Variants in CACNG3 observed in about 807,000 individuals in gnomAD.
CACNG3 encodes the protein calcium voltage-gated channel auxiliary subunit gamma 3, also known as voltage-dependent calcium channel gamma-3 subunit.
A neutral mutation model predicts 28.5 loss-of-function variants in CACNG3; 3 were observed. The observed-to-expected ratio is 0.11, with a 90% CI of 0.05 to 0.27. The LOEUF is 0.27. CACNG3 is among the 10% of genes least tolerant of loss of function. CACNG3 has a pLI of 1.00. For synonymous variants in CACNG3, 174 were observed against 162.2 expected (o/e 1.07, Z -0.55); for missense variants, 236 against 414.4 (o/e 0.57, Z 3.74).
At chr16:24,305,009 A>T (rs554735514) in intron 1 of CACNG3, among the ~76,000 whole-genome samples, 1 of 152,354 alleles carries the variant, frequency 6.6e-6, no homozygotes, top group South Asian at 2.1e-4. Flanking sequence ...CTCCACGCAC[A>T]TCCTTTGTGG....
intron 1 of CACNG3, among the ~76,000 whole-genome samples, chr16:24,307,887 C>T (rs1330074245): frequency 6.6e-6 from 1 of 152,170 alleles, no homozygotes; most frequent in Non-Finnish European, 1.5e-5. Flanking sequence ...AACTCTACTT[C>T]TTGGGGTTGG....
chr16:24,269,746 C>CAAAAAA (rs1163565728), intron 1 of CACNG3, among the ~76,000 whole-genome samples: 91 of 70,842 alleles, frequency 1.3e-3, no homozygotes, highest in East Asian at 2.3e-3. Context: ...GACTCCATCT[C>CAAAAAA]AAAAAAAAAA....
rs1376845491 is a variant in CACNG3 at position 24,263,031 on chromosome 16, CA to C, written c.211+6067del. On this transcript the variant is annotated intron_variant, in intron 1 of 3. Coordinates refer to ENST00000005284, the MANE Select transcript of CACNG3 (RefSeq NM_006539.4). ...CTTACCCAAGGGATCATCTGACCCT[CA>C]GGGGAAATGTAACTTTGATTGACTC... is the stretch of plus-strand genomic sequence containing the variant. Among the ~76,000 whole-genome samples, 9 of 152,292 alleles carry C rather than the reference CA, an allele frequency of 5.9e-5. No individual in the cohort carries two copies. The South Asian group carries it at 1.9e-3, about 32-fold the overall frequency.
intron 1 of CACNG3, among the ~76,000 whole-genome samples, chr16:24,258,238 T>C (rs1898493947): frequency 6.6e-6 from 1 of 152,258 alleles, no homozygotes; most frequent in Non-Finnish European, 1.5e-5. Flanking sequence ...CATCATTCTC[T>C]GGCCTTTTTC....
chr16:24,305,216 G>A (rs1370682970), intron 1 of CACNG3, among the ~76,000 whole-genome samples: 1 of 151,888 alleles, frequency 6.6e-6, no homozygotes, highest in Non-Finnish European at 1.5e-5. Flanking sequence ...TGGGGATGAG[G>A]AATATGGGAA....
chr16:24,301,430 A>C (rs1899110052), intron 1 of CACNG3, among the ~76,000 whole-genome samples: 4 of 152,142 alleles, frequency 2.6e-5, no homozygotes, highest in Admixed American at 2.6e-4. Flanking sequence ...TGAACAAACC[A>C]CTAAAGGCAA....
chr16:24,318,646 T>C (rs1042971672), intron 1 of CACNG3, among the ~76,000 whole-genome samples: 5 of 152,106 alleles, frequency 3.3e-5, no homozygotes, highest in Admixed American at 1.3e-4. Flanking sequence ...TCAAGGATAA[T>C]AAATGTCCTT....
chr16:24,350,282 T>A (rs1293800226), intron 2 of CACNG3, among the ~76,000 whole-genome samples: 3 of 152,180 alleles, frequency 2.0e-5, no homozygotes, highest in African/African-American at 7.2e-5. Context: ...CAGTCACATT[T>A]ACGTATCTCC....
At chr16:24,264,493 C>A (rs1386078068) in intron 1 of CACNG3, among the ~76,000 whole-genome samples, 1 of 152,184 alleles carries the variant, frequency 6.6e-6, no homozygotes, top group Non-Finnish European at 1.5e-5. Flanking sequence ...CTCCAATAAC[C>A]AATGCATGTA....
At chr16:24,325,553 A>G (rs1329499340) in intron 1 of CACNG3, among the ~76,000 whole-genome samples, 1 of 152,250 alleles carries the variant, frequency 6.6e-6, no homozygotes, top group Non-Finnish European at 1.5e-5. Flanking sequence ...AACCCCAGCG[A>G]GCTCTGCGGC....
At chr16:24,287,935 C>T (rs752966329) in intron 1 of CACNG3, among the ~76,000 whole-genome samples, 4 of 152,086 alleles carry the variant, frequency 2.6e-5, no homozygotes, top group East Asian at 3.9e-4. Flanking sequence ...ATAGTGAACC[C>T]GAGTCTTTCC....
chr16:24,355,891 G>A (rs1900025431), intron 3 of CACNG3, among the ~76,000 whole-genome samples: 1 of 152,144 alleles, frequency 6.6e-6, no homozygotes, highest in Non-Finnish European at 1.5e-5. Flanking sequence ...AGATGCTCTG[G>A]GGGAAGACCT....
At chr16:24,287,718 G>A (rs1300960857) in intron 1 of CACNG3, among the ~76,000 whole-genome samples, 1 of 152,064 alleles carries the variant, frequency 6.6e-6, no homozygotes, top group African/African-American at 2.4e-5. Flanking sequence ...TTGGGGACAG[G>A]TCAATGTCTA....
At chr16:24,264,181 G>A (rs937426954) in intron 1 of CACNG3, among the ~76,000 whole-genome samples, 1 of 152,248 alleles carries the variant, frequency 6.6e-6, no homozygotes, top group Non-Finnish European at 1.5e-5. Flanking sequence ...TAACCCGGCT[G>A]CACGATGCTT....
chr16:24,257,037 G>A, intron 1 of CACNG3, 72 bp downstream of exon 1: 2 of 948,882 alleles, frequency 2.1e-6, no homozygotes, highest in East Asian at 2.4e-5. Context: ...TGGAGGAGAT[G>A]GAAATGGTGA....
intron 2 of CACNG3, among the ~76,000 whole-genome samples, chr16:24,351,661 C>CGAAA (rs146309041): frequency 0.6 from 66,726 of 110,790 alleles, 20,645 homozygotes; most frequent in Non-Finnish European, 0.66. Flanking sequence ...GAAAGACAGA[C>CGAAA]GAAAGAAAGA....
rs552097747 is a variant in CACNG3, at chr16:24,300,358, G to A, written c.211+43393G>A. 9.2e-5 allele frequency among the ~76,000 whole-genome samples: 14 copies of A among 152,234 alleles called. No individual in the cohort carries two copies. The South Asian group carries it at 1.7e-3, about 18-fold the overall frequency. ...CAGGCAGGTTACGCGTGTGAGAAGG[G>A]GCGGGGTGAGGACTCTGGCAAACTG... On this transcript the variant is annotated intron_variant, in intron 1 of 3. Coordinates refer to ENST00000005284, the MANE Select transcript of CACNG3 (RefSeq NM_006539.4).
intron 2 of CACNG3, among the ~76,000 whole-genome samples, chr16:24,351,665 A>AGAAAGAAAGAAAGAAAGAAG (rs1555462398): frequency 5.4e-5 from 7 of 128,998 alleles, no homozygotes; most frequent in African/African-American, 2.5e-4. Flanking sequence ...GACAGACGAA[A>AGAAAGAAAGAAAGAAAGAAG]GAAAGAAAGA....
chr16:24,257,393 GA>G (rs2141341783), intron 1 of CACNG3, among the ~76,000 whole-genome samples: 1 of 136,862 alleles, frequency 7.3e-6, no homozygotes, highest in South Asian at 2.6e-4. Flanking sequence ...GAGAGAGAGA[GA>G]GAGAGAGAGA....
Sources: allele counts gnomAD v4.1 joint callset (sites outside exome capture counted in the v4.1 genomes callset), GRCh38; gene constraint gnomAD v4.1.1; transcripts MANE v1.5; gene names NCBI Gene and HGNC (gene_info 2026-07-23, HGNC 2026-07-21).